Variants in NR3C1 observed in about 807,000 individuals in gnomAD.
NR3C1 encodes the protein nuclear receptor subfamily 3 group C member 1.
NR3C1 carries 14 observed loss-of-function variants against 74.0 expected under a neutral mutation model. That is an observed-to-expected ratio of 0.19 (90% CI 0.12 to 0.30). NR3C1 has a LOEUF of 0.30. Ranked by LOEUF, NR3C1 falls within the 10% of genes least tolerant of loss-of-function variation. The pLI is 1.00. For missense variants in NR3C1, 695 were observed against 909.8 expected, an observed-to-expected ratio of 0.76 and a Z score of 3.04; for synonymous variants, 308 against 332.5, an observed-to-expected ratio of 0.93 and a Z score of 0.80.
chr5:143,362,373 T>TG (rs1446749297), intron 2 of NR3C1, among the ~76,000 whole-genome samples: 3 of 151,928 alleles, frequency 2.0e-5, no homozygotes, highest in African/African-American at 7.3e-5. Context: ...TTTTTTTTTT[T>TG]TTGTTGAGAC....
Position 143,281,774 on chromosome 5 carries a change from C to A in NR3C1, c.*115G>T. 2 of 1,180,122 alleles carry A rather than the reference C, an allele frequency of 1.7e-6. No individual in the cohort carries two copies. Among genetic ancestry groups the A allele is most frequent in the Non-Finnish European group, 2.4e-6 (2 of 817,510 alleles). The allele number at this position is 1,180,122 out of a possible 1,614,324, so 73.1% of individuals were successfully genotyped here. ...GTAGTGCGTATTTAAAACAAAACAA[C>A]AGATGAAAACAATAAAAAATAAAAC... On this transcript the variant is annotated 3_prime_UTR_variant, in exon 9 of 9. Coordinates refer to ENST00000394464, the MANE Select transcript of NR3C1 (RefSeq NM_000176.3).
chr5:143,397,805 T>TAA (rs1355260196), intron 2 of NR3C1, among the ~76,000 whole-genome samples: 1 of 151,928 alleles, frequency 6.6e-6, no homozygotes, highest in Non-Finnish European at 1.5e-5. Flanking sequence ...CTATAAAAGT[T>TAA]AAAGCATTAA....
intron 2 of NR3C1, among the ~76,000 whole-genome samples, chr5:143,394,953 C>T (rs1838922162): frequency 1.3e-5 from 2 of 151,934 alleles, no homozygotes; most frequent in African/African-American, 4.8e-5. Context: ...ATGAACTCCA[C>T]TGGAAATTCT....
At chr5:143,404,299 G>T (rs1318692253), upstream of NR3C1, 14 of 985,606 alleles carry the variant, frequency 1.4e-5, no homozygotes, top group Non-Finnish European at 1.6e-5. Flanking sequence ...GGCCGCGCTC[G>T]GGGCCGGGCG....
rs1312439071 is a variant in NR3C1, at chr5:143,400,425, G to A, written c.415C>T (p.Pro139Ser). 6.2e-7 allele frequency: 1 copy of A among 1,614,022 alleles called. No individual in the cohort carries two copies. Among genetic ancestry groups the A allele is most frequent in the South Asian group, 1.1e-5 (1 of 91,078 alleles). Residue 139 changes from proline to serine, a missense_variant, in exon 2 of 9, where the codon CCC (proline) becomes TCC (serine). Physicochemically the swap from Pro to Ser is moderately conservative, Grantham distance 74. Transcript: ENST00000394464. ...ACAGCAGTGGATGCTGAACTCTTGG[G>A]GTTCTCTGGAACACTGGTCGACCTA... ...LNRSTSVPEN[P>S]KSSASTAVSA...
At chr5:143,364,703 T>C (rs1054886057) in intron 2 of NR3C1, among the ~76,000 whole-genome samples, 4 of 148,458 alleles carry the variant, frequency 2.7e-5, no homozygotes, top group Admixed American at 2.7e-4. Flanking sequence ...CTAAATTAGA[T>C]TTTTTTTTTC....
chr5:143,376,128 A>G (rs939220459), intron 2 of NR3C1, among the ~76,000 whole-genome samples: 5 of 152,164 alleles, frequency 3.3e-5, no homozygotes, highest in Non-Finnish European at 7.4e-5. Context: ...AAAGATGTGG[A>G]GAAAAAAAAA....
At position 143,279,582 on chromosome 5, in the gene NR3C1, TG is replaced by T. The variant is rs1245166488; in HGVS notation, c.*2306del. The T allele has an allele frequency of 2.0e-5, 10 of 499,874 alleles. No individual in the cohort carries two copies. Among genetic ancestry groups the T allele is most frequent in the East Asian group, 3.6e-5 (1 of 27,990 alleles). 31.0% of individuals were successfully genotyped at this position (499,874 alleles called of 1,614,324 possible). On this transcript the variant is annotated 3_prime_UTR_variant, in exon 9 of 9. Coordinates refer to ENST00000394464, the MANE Select transcript of NR3C1 (RefSeq NM_000176.3). ...AGAGAGCATTCAAAAAGCAAATGATTGTTTTTTTATTAAATAATTTCTCCAA... is the reference window on the plus strand; with the variant it reads ...AGAGAGCATTCAAAAAGCAAATGATTTTTTTTTATTAAATAATTTCTCCAA...
chr5:143,333,942 A>C (rs982605428), intron 2 of NR3C1, among the ~76,000 whole-genome samples: 1 of 152,258 alleles, frequency 6.6e-6, no homozygotes, highest in African/African-American at 2.4e-5. Context: ...TGCTGTTGTC[A>C]TACTCTTAGG....
At chr5:143,325,740 G>A (rs1180465904) in intron 2 of NR3C1, among the ~76,000 whole-genome samples, 1 of 152,140 alleles carries the variant, frequency 6.6e-6, no homozygotes, top group African/African-American at 2.4e-5. Flanking sequence ...GTGGTCTGTG[G>A]TTTCAAGCAT....
At chr5:143,391,862 C>T (rs114046904) in intron 2 of NR3C1, among the ~76,000 whole-genome samples, 16 of 152,338 alleles carry the variant, frequency 1.1e-4, no homozygotes, top group African/African-American at 3.6e-4. Flanking sequence ...GATGTCATAA[C>T]GTACTTAGCC....
intron 2 of NR3C1, among the ~76,000 whole-genome samples, chr5:143,398,701 T>C (rs897214320): frequency 6.6e-6 from 1 of 152,132 alleles, no homozygotes; most frequent in Non-Finnish European, 1.5e-5. Context: ...CTAAAATGGA[T>C]ATAAAACCTA....
At chr5:143,374,136 A>T (rs1034483913) in intron 2 of NR3C1, among the ~76,000 whole-genome samples, 2 of 152,174 alleles carry the variant, frequency 1.3e-5, no homozygotes, top group African/African-American at 4.8e-5. Flanking sequence ...AATTTGCCTC[A>T]GCTCCAGATT....
intron 1 of NR3C1, among the ~76,000 whole-genome samples, chr5:143,401,743 T>C (rs539570417): frequency 6.6e-6 from 1 of 152,320 alleles, no homozygotes; most frequent in East Asian, 1.9e-4. Context: ...CTAAGTTCTT[T>C]CCTTTCCAAA....
intron 6 of NR3C1, among the ~76,000 whole-genome samples, chr5:143,297,248 G>A (rs1317815880): frequency 6.6e-6 from 1 of 152,004 alleles, no homozygotes; most frequent in Non-Finnish European, 1.5e-5. Flanking sequence ...GAATGTATGT[G>A]GCATGATTAG....
intron 1 of NR3C1, among the ~76,000 whole-genome samples, chr5:143,421,361 G>A (rs1380119852): frequency 2.0e-5 from 3 of 152,052 alleles, no homozygotes; most frequent in African/African-American, 2.4e-5. Context: ...TGTGGGCTCC[G>A]GGTTTGAATC....
In NR3C1 at chr5:143,333,289, G is replaced by T. The variant is rs563087349; in HGVS notation, c.1185-19121C>A. 3 of 738,544 alleles carry T rather than the reference G, an allele frequency of 4.1e-6. No individual in the cohort carries two copies. The Admixed American group carries it at 6.3e-5, about 16-fold the overall frequency. The allele number at this position is 738,544 out of a possible 1,614,324, so 45.7% of individuals were successfully genotyped here. A position where few individuals can be genotyped will look rare whatever the true frequency, so the allele number is the denominator to read the frequency against. ...CTGCCCTTGGGCTGACTTTTGATAG[G>T]CCATGCCTTGCCACTTTACAAGTTC... On this transcript the variant is annotated intron_variant, in intron 2 of 8. Transcript: ENST00000394464.
chr5:143,425,337 G>A (rs1482217469), intron 1 of NR3C1, among the ~76,000 whole-genome samples: 2 of 151,904 alleles, frequency 1.3e-5, no homozygotes, highest in Non-Finnish European at 2.9e-5. Context: ...AAAAGCACAA[G>A]AAAAAAATAG....
intron 2 of NR3C1, among the ~76,000 whole-genome samples, chr5:143,315,155 A>T (rs886295430): frequency 6.6e-6 from 1 of 152,214 alleles, no homozygotes; most frequent in Non-Finnish European, 1.5e-5. Context: ...ACATTTAATG[A>T]TAAAGATATA....
Sources: gnomAD v4.1 joint callset for allele counts (sites outside exome capture counted in the v4.1 genomes callset) on GRCh38, gnomAD v4.1.1 for gene constraint, MANE v1.5 for transcripts, NCBI Gene and HGNC (gene_info 2026-07-23, HGNC 2026-07-21) for gene names.